The following PTPRD variants were observed in gnomAD, a reference collection of about 807,000 sequenced individuals.
The protein encoded by PTPRD is protein tyrosine phosphatase receptor type D, also known as receptor-type tyrosine-protein phosphatase delta.
A neutral mutation model predicts 214.5 loss-of-function variants in PTPRD; 34 were observed. The ratio of observed to expected loss-of-function variants is 0.16; its 90% CI spans 0.12 to 0.21. The LOEUF is 0.21. Among genes scored for constraint, PTPRD ranks in the 10% least tolerant of loss-of-function variants. The probability of loss-of-function intolerance (pLI) is 1.00; values close to 1 mark genes in which losing one functional copy is unlikely to be tolerated. For missense variants in PTPRD, 2,545 were observed against 2,398.7 expected (o/e 1.06, Z -1.27); for synonymous variants, 1,128 against 845.7 (o/e 1.33, Z -5.79).
intron 9 of PTPRD, among the ~76,000 whole-genome samples, chr9:9,374,836 G>C (rs2060373384): frequency 6.6e-6 from 1 of 152,126 alleles, no homozygotes; most frequent in Admixed American, 6.6e-5. Flanking sequence ...TCTCCTAAAT[G>C]CTCTCATGGT....
chr9:9,256,506 G>C (rs1248139741), intron 9 of PTPRD, among the ~76,000 whole-genome samples: 1 of 151,172 alleles, frequency 6.6e-6, no homozygotes, highest in African/African-American at 2.4e-5. Context: ...AGCCCTAAAC[G>C]CTGACCTAAT....
At chr9:8,811,492 A>C (rs1050943154) in intron 11 of PTPRD, among the ~76,000 whole-genome samples, 2 of 152,188 alleles carry the variant, frequency 1.3e-5, no homozygotes, top group Non-Finnish European at 2.9e-5. Context: ...TTTTTAACAA[A>C]GCTCTGTTAG....
At chr9:8,432,577 C>T (rs2095126737) in intron 35 of PTPRD, among the ~76,000 whole-genome samples, 1 of 152,154 alleles carries the variant, frequency 6.6e-6, no homozygotes, top group Non-Finnish European at 1.5e-5. Flanking sequence ...AGTGATTATG[C>T]CAAAATAATC....
chr9:10,403,932 TACA>T (rs1212721594), intron 2 of PTPRD, among the ~76,000 whole-genome samples: 4 of 151,660 alleles, frequency 2.6e-5, no homozygotes, highest in African/African-American at 9.7e-5. Flanking sequence ...TACATGCCAT[TACA>T]ACATTAGTCC....
At chr9:10,262,700 T>G (rs2093777713) in intron 3 of PTPRD, among the ~76,000 whole-genome samples, 1 of 152,196 alleles carries the variant, frequency 6.6e-6, no homozygotes, top group African/African-American at 2.4e-5. Flanking sequence ...CTGGGACTTA[T>G]TTTTCTTATT....
rs73420418 is a variant in PTPRD, at chr9:8,398,629, G to C, written c.4210+5908C>G. ...AAGTCATCAGGGCAGAGCCCTCATG[G>C]GTGGGATTAGGATCCTTATAAAAAA... On this transcript the variant is annotated intron_variant, in intron 36 of 45. Coordinates refer to ENST00000381196, the MANE Select transcript of PTPRD (RefSeq NM_002839.4). Among the ~76,000 whole-genome samples, 358 of 152,236 alleles carry C rather than the reference G, an allele frequency of 2.4e-3. 1 individual carries two copies. Among genetic ancestry groups the C allele is most frequent in the African/African-American group, 8.4e-3 (351 of 41,548 alleles).
At position 10,596,237 on chromosome 9, in the gene PTPRD, T is replaced by G. The variant is rs969474396; in HGVS notation, c.-600+16161A>C. On this transcript the variant is annotated intron_variant, in intron 2 of 45. Coordinates refer to ENST00000381196, the MANE Select transcript of PTPRD (RefSeq NM_002839.4). ...ACGGAAATCAGAGTTTGACTACTTC[T>G]AAATCTCAGGTTCTTTAATAAGACA... Among the ~76,000 whole-genome samples the G allele has an allele frequency of 3.3e-5, 5 of 151,746 alleles. No homozygotes were observed. The East Asian group carries it at 7.8e-4, about 24-fold the overall frequency.
chr9:8,922,956 C>T (rs140879878), intron 11 of PTPRD, among the ~76,000 whole-genome samples: 1 of 151,988 alleles, frequency 6.6e-6, no homozygotes, highest in African/African-American at 2.4e-5. Flanking sequence ...AGCCACTGCA[C>T]CTGGCCCAAA....
At chr9:10,249,599 G>C (rs1368890050) in intron 3 of PTPRD, among the ~76,000 whole-genome samples, 1 of 152,126 alleles carries the variant, frequency 6.6e-6, no homozygotes, top group Admixed American at 6.6e-5. Flanking sequence ...TTATGACACA[G>C]ATTTAGAAAT....
intron 11 of PTPRD, among the ~76,000 whole-genome samples, chr9:8,967,119 A>T (rs10739179): frequency 2.6e-5 from 4 of 151,426 alleles, no homozygotes; most frequent in Admixed American, 6.6e-5. Context: ...AGTCAGAATG[A>T]CAATTATTAA....
chr9:8,433,582 T>C (rs1009688050), intron 35 of PTPRD, among the ~76,000 whole-genome samples: 13 of 152,148 alleles, frequency 8.5e-5, no homozygotes, highest in Admixed American at 2.0e-4. Flanking sequence ...AGGCCTAGAT[T>C]AATGCATGTC....
intron 15 of PTPRD, chr9:8,528,095 T>C (rs1031542300): frequency 3.6e-5 from 8 of 225,000 alleles, no homozygotes; most frequent in Non-Finnish European, 6.0e-5. Flanking sequence ...TTTGGTACTT[T>C]GATGAGTTCA....
chr9:9,796,569 A>G (rs2099003873), intron 5 of PTPRD, among the ~76,000 whole-genome samples: 1 of 152,302 alleles, frequency 6.6e-6, no homozygotes, highest in Non-Finnish European at 1.5e-5. Flanking sequence ...AGAAATGAAG[A>G]GAGGTACAAA....
chr9:8,453,970 C>T (rs914784318), intron 33 of PTPRD, among the ~76,000 whole-genome samples: 1 of 152,074 alleles, frequency 6.6e-6, no homozygotes, highest in African/African-American at 2.4e-5. Flanking sequence ...TATATTTATA[C>T]ATAAGTGTAT....
intron 11 of PTPRD, among the ~76,000 whole-genome samples, chr9:8,925,008 A>C (rs2098861863): frequency 6.6e-6 from 1 of 152,146 alleles, no homozygotes; most frequent in African/African-American, 2.4e-5. Flanking sequence ...TATTCCGTAA[A>C]TACTTTGAGA....
chr9:8,871,945 A>G (rs1263053320), intron 11 of PTPRD, among the ~76,000 whole-genome samples: 1 of 152,182 alleles, frequency 6.6e-6, no homozygotes, highest in Non-Finnish European at 1.5e-5. Context: ...CTGGGGCACC[A>G]CTGAGAAGAA....
chr9:9,555,480 C>T (rs1052707950), intron 8 of PTPRD, among the ~76,000 whole-genome samples: 2 of 152,058 alleles, frequency 1.3e-5, no homozygotes, highest in African/African-American at 4.8e-5. Flanking sequence ...GTTTCATCAA[C>T]TCTGGAAACA....
At chr9:8,770,364 C>G (rs1336599147) in intron 11 of PTPRD, among the ~76,000 whole-genome samples, 1 of 151,772 alleles carries the variant, frequency 6.6e-6, no homozygotes, top group African/African-American at 2.4e-5. Flanking sequence ...ACACGATCCA[C>G]TATCTATTCT....
intron 12 of PTPRD, among the ~76,000 whole-genome samples, chr9:8,683,532 C>T (rs1187625087): frequency 6.6e-6 from 1 of 152,138 alleles, no homozygotes; most frequent in Non-Finnish European, 1.5e-5. Context: ...CAGAACCCAC[C>T]TCCTCTATAT....
Sources: allele counts gnomAD v4.1 joint callset (sites outside exome capture counted in the v4.1 genomes callset), GRCh38; gene constraint gnomAD v4.1.1; transcripts MANE v1.5; gene names NCBI Gene and HGNC (gene_info 2026-07-23, HGNC 2026-07-21).